The following FRMD4A variants were observed in gnomAD, a reference collection of about 807,000 sequenced individuals.
FRMD4A encodes FERM domain containing 4A.
FRMD4A carries 29 observed loss-of-function variants against 129.1 expected under a neutral mutation model. The observed-to-expected ratio is 0.22, with a 90% CI of 0.17 to 0.31. FRMD4A has a LOEUF of 0.31. Ranked by LOEUF, FRMD4A falls within the 10% of genes least tolerant of loss-of-function variation. The pLI is 1.00. For missense variants in FRMD4A, 1,272 were observed against 1,375.8 expected (o/e 0.92, Z 1.19); for synonymous variants, 634 against 571.6 (o/e 1.11, Z -1.56).
intron 2 of FRMD4A, among the ~76,000 whole-genome samples, chr10:14,302,222 A>C (rs1846208880): frequency 6.6e-6 from 1 of 152,184 alleles, no homozygotes; most frequent in African/African-American, 2.4e-5. Flanking sequence ...ACTCCAAGAC[A>C]TGACAAATCT....
At chr10:13,767,742 G>T (rs2092331730) in intron 6 of FRMD4A, among the ~76,000 whole-genome samples, 1 of 152,176 alleles carries the variant, frequency 6.6e-6, no homozygotes, top group Admixed American at 6.5e-5. Context: ...CCTTATGCAG[G>T]GGCTGAGGTG....
At chr10:13,860,035 A>G (rs192458348) in intron 2 of FRMD4A, among the ~76,000 whole-genome samples, 67 of 152,316 alleles carry the variant, frequency 4.4e-4, no homozygotes, top group African/African-American at 1.6e-3. Flanking sequence ...CTGGAAGGAA[A>G]AAGCCTGATT....
chr10:14,217,852 A>G (rs1269720738), intron 2 of FRMD4A, among the ~76,000 whole-genome samples: 3 of 150,990 alleles, frequency 2.0e-5, no homozygotes, highest in Non-Finnish European at 4.4e-5. Context: ...TTGCTTTGAG[A>G]CAGAGTCTCA....
chr10:14,131,284 C>T (rs115856725), intron 2 of FRMD4A, among the ~76,000 whole-genome samples: 113 of 152,208 alleles, frequency 7.4e-4, no homozygotes, highest in African/African-American at 1.7e-3. Flanking sequence ...GAGGCTCAGG[C>T]GATGCAGAAG....
At chr10:14,126,828 G>T (rs909474582) in intron 2 of FRMD4A, among the ~76,000 whole-genome samples, 1 of 97,328 alleles carries the variant, frequency 1.0e-5, no homozygotes, top group African/African-American at 3.7e-5. Context: ...ATAGGAATGT[G>T]CCTCAGGGAA....
intron 5 of FRMD4A, among the ~76,000 whole-genome samples, chr10:13,783,688 A>G (rs1369992652): frequency 1.3e-5 from 2 of 152,206 alleles, no homozygotes; most frequent in African/African-American, 4.8e-5. Context: ...TTTAAAAGAT[A>G]ATTTCTTCTT....
At chr10:14,018,844 G>C (rs1367435587) in intron 2 of FRMD4A, among the ~76,000 whole-genome samples, 1 of 152,112 alleles carries the variant, frequency 6.6e-6, no homozygotes, top group African/African-American at 2.4e-5. Flanking sequence ...GAGTAGCTCG[G>C]GGCATGCAGA....
chr10:13,674,865 TCACA>T (rs2083840968), intron 16 of FRMD4A, 42 bp downstream of exon 16: 1 of 1,594,854 alleles, frequency 6.3e-7, no homozygotes, highest in Non-Finnish European at 8.6e-7. Flanking sequence ...ATCAGTGACA[TCACA>T]GACAACACCA....
chr10:14,173,781 T>C (rs562810819), intron 2 of FRMD4A, among the ~76,000 whole-genome samples: 1 of 152,134 alleles, frequency 6.6e-6, no homozygotes, highest in Middle Eastern at 3.4e-3. Context: ...GCGAACTCAT[T>C]TACTGAGGTT....
rs1230782256 is a variant in FRMD4A, at chr10:14,153,449, C to T, written c.45+176609G>A. 2.6e-5 allele frequency among the ~76,000 whole-genome samples: 4 copies of T among 152,174 alleles called. No homozygotes were observed. In the South Asian group the frequency reaches 8.3e-4, roughly 32 times the overall value. Reference sequence around the variant, plus strand: ...TTTCATTCTTTTCTGACTACACATGCACAGATGGAGCCACAGGAACCTCCA... The same window carrying T: ...TTTCATTCTTTTCTGACTACACATGTACAGATGGAGCCACAGGAACCTCCA... On this transcript the variant is annotated intron_variant, in intron 2 of 24. Coordinates refer to ENST00000357447, the MANE Select transcript of FRMD4A (RefSeq NM_018027.5).
At chr10:14,089,640 C>CAAAAAAAAAAAAAAAAAAAAAAAA (rs759243260) in intron 2 of FRMD4A, among the ~76,000 whole-genome samples, 4 of 70,262 alleles carry the variant, frequency 5.7e-5, no homozygotes, top group Admixed American at 1.6e-4. Flanking sequence ...CAAAAAAAAA[C>CAAAAAAAAAAAAAAAAAAAAAAAA]AAACAAAAAA....
intron 2 of FRMD4A, among the ~76,000 whole-genome samples, chr10:14,064,196 A>T (rs1335629816): frequency 6.6e-6 from 1 of 152,218 alleles, no homozygotes; most frequent in Non-Finnish European, 1.5e-5. Context: ...GTGACTCAGA[A>T]GCATTCAAAG....
At chr10:13,848,568 C>T (rs189471633) in intron 3 of FRMD4A, among the ~76,000 whole-genome samples, 1 of 151,800 alleles carries the variant, frequency 6.6e-6, no homozygotes, top group Non-Finnish European at 1.5e-5. Context: ...GGTCTCTTCT[C>T]CTCTCCTCAA....
At chr10:13,793,408 A>T (rs11258620) in intron 5 of FRMD4A, among the ~76,000 whole-genome samples, 2 of 151,930 alleles carry the variant, frequency 1.3e-5, no homozygotes, top group African/African-American at 2.4e-5. Flanking sequence ...CTAACTTCAG[A>T]TGATCCACCC....
intron 3 of FRMD4A, 126 bp downstream of exon 3, chr10:13,858,721 C>A: frequency 1.4e-6 from 1 of 725,670 alleles, no homozygotes. Context: ...CCTAGTCATT[C>A]TCTCACAGAT....
intron 2 of FRMD4A, among the ~76,000 whole-genome samples, chr10:14,316,636 C>T (rs1846752994): frequency 6.6e-6 from 1 of 152,006 alleles, no homozygotes; most frequent in Middle Eastern, 3.4e-3. Context: ...AAGAATTTAT[C>T]ATTCCCATTT....
At chr10:14,023,414 G>A (rs762179988) in intron 2 of FRMD4A, among the ~76,000 whole-genome samples, 1 of 152,178 alleles carries the variant, frequency 6.6e-6, no homozygotes, top group Non-Finnish European at 1.5e-5. Context: ...ACTCAGTGAT[G>A]TACTATAAAG....
chr10:14,320,112 A>G (rs1015493516), intron 2 of FRMD4A, among the ~76,000 whole-genome samples: 1 of 151,936 alleles, frequency 6.6e-6, no homozygotes, highest in Non-Finnish European at 1.5e-5. Context: ...AAATTCATGC[A>G]ATTGCCTCTA....
At chr10:14,089,953 C>T (rs1450640678) in intron 2 of FRMD4A, among the ~76,000 whole-genome samples, 1 of 152,192 alleles carries the variant, frequency 6.6e-6, no homozygotes, top group African/African-American at 2.4e-5. Context: ...ATAGATCTTG[C>T]TCTACCCTGA....
Sources: gnomAD v4.1 joint callset for allele counts (sites outside exome capture counted in the v4.1 genomes callset) on GRCh38, gnomAD v4.1.1 for gene constraint, MANE v1.5 for transcripts, NCBI Gene and HGNC (gene_info 2026-07-23, HGNC 2026-07-21) for gene names.